PRPF18: variants seen among roughly 807,000 people sequenced by gnomAD.
PRPF18 encodes pre-mRNA processing factor 18, also known as pre-mRNA-splicing factor 18.
PRPF18 carries 38 observed loss-of-function variants against 46.5 expected under a neutral mutation model. The ratio of observed to expected loss-of-function variants is 0.82; its 90% CI spans 0.63 to 1.07. The LOEUF is 1.07. Among genes scored for constraint, PRPF18 ranks in the 50% least tolerant of loss-of-function variants. The probability of loss-of-function intolerance (pLI) is 0.00; values close to 1 mark genes in which losing one functional copy is unlikely to be tolerated. For missense variants in PRPF18, 263 were observed against 410.0 expected (o/e 0.64, Z 3.10); for synonymous variants, 152 against 146.7 (o/e 1.04, Z -0.26).
intron 8 of PRPF18, among the ~76,000 whole-genome samples, chr10:13,615,951 G>A (rs192020044): frequency 6.6e-6 from 1 of 152,204 alleles, no homozygotes; most frequent in Non-Finnish European, 1.5e-5. Context: ...ACAGTGCTGT[G>A]TAGGGAGTGG....
chr10:13,627,541 A>G lies in PRPF18; in HGVS notation c.949-2719A>G, dbSNP rs539881067. 1.5e-4 allele frequency among the ~76,000 whole-genome samples: 23 copies of G among 152,326 alleles called. No homozygotes were observed. The South Asian group carries it at 4.8e-3, about 32-fold the overall frequency. ...CTGAAATCCTGAGGGGTCTAATTGA[A>G]AAGATTTGTTTCCATCTGGAAAATA... On this transcript the variant is annotated intron_variant, in intron 9 of 9. Transcript: ENST00000378572.
rs774408961 is a variant in PRPF18 at position 13,611,687 on chromosome 10, C to T, written c.579+4C>T. On this transcript the variant is annotated splice_donor_region_variant and intron_variant, in intron 6 of 9. Transcript: ENST00000378572. ...CATCATCACCAAATTCCTGAAGGTGCGTGTCTTAGGCGAGGGGATGAGGAT... is the reference window on the plus strand; with the variant it reads ...CATCATCACCAAATTCCTGAAGGTGTGTGTCTTAGGCGAGGGGATGAGGAT... 11 of 1,612,438 alleles carry T rather than the reference C, an allele frequency of 6.8e-6. No homozygotes were observed. The highest frequency in any genetic ancestry group is 1.1e-5 in the South Asian group (1 of 91,022).
intron 4 of PRPF18, among the ~76,000 whole-genome samples, chr10:13,606,950 C>CT (rs1458532380): frequency 6.6e-6 from 1 of 152,134 alleles, no homozygotes; most frequent in African/African-American, 2.4e-5. Context: ...TATTGTTAGT[C>CT]TTTTTAATTT....
chr10:13,643,039 G>C, the PRPF18 span: 1 of 152,250 alleles, frequency 6.6e-6, no homozygotes, highest in African/African-American at 2.4e-5. Flanking sequence ...TTCGATTGCA[G>C]CAGTCACTAC....
the PRPF18 span, among the ~76,000 whole-genome samples, chr10:13,636,258 C>T: frequency 6.6e-6 from 1 of 152,020 alleles, no homozygotes; most frequent in Admixed American, 6.6e-5. Flanking sequence ...CTCATCTCTA[C>T]AAAAAATACA....
intron 3 of PRPF18, among the ~76,000 whole-genome samples, chr10:13,602,034 G>T (rs965945765): frequency 6.6e-6 from 1 of 152,194 alleles, no homozygotes; most frequent in Non-Finnish European, 1.5e-5. Context: ...GTGTGTCTAT[G>T]TAATTTTTGA....
chr10:13,608,425 T>C (rs960874738), intron 4 of PRPF18, among the ~76,000 whole-genome samples: 1 of 152,252 alleles, frequency 6.6e-6, no homozygotes, highest in Non-Finnish European at 1.5e-5. Flanking sequence ...GCTTTCTTTG[T>C]TGCCAAACCA....
intron 4 of PRPF18, among the ~76,000 whole-genome samples, chr10:13,607,372 C>G (rs1232617499): frequency 6.6e-6 from 1 of 152,196 alleles, no homozygotes; most frequent in Non-Finnish European, 1.5e-5. Context: ...TTAGGGCTTA[C>G]CTGTTCTCTT....
chr10:13,604,496 C>T (rs2080157653), intron 3 of PRPF18, among the ~76,000 whole-genome samples: 1 of 152,208 alleles, frequency 6.6e-6, no homozygotes, highest in Non-Finnish European at 1.5e-5. Context: ...ATCTTAAAAG[C>T]TCTGCATATG....
chr10:13,627,227 A>G (rs2080521812), intron 9 of PRPF18, among the ~76,000 whole-genome samples: 1 of 152,140 alleles, frequency 6.6e-6, no homozygotes, highest in Non-Finnish European at 1.5e-5. Context: ...AGCACTTAGC[A>G]TCGTTGAAAA....
the PRPF18 span, chr10:13,645,332 G>A: frequency 1.3e-5 from 2 of 148,900 alleles, no homozygotes; most frequent in African/African-American, 5.0e-5. Flanking sequence ...CCAATAGGAA[G>A]TCATTAGAGT....
intron 4 of PRPF18, among the ~76,000 whole-genome samples, chr10:13,609,209 G>T (rs1326444767): frequency 6.6e-6 from 1 of 152,206 alleles, no homozygotes; most frequent in African/African-American, 2.4e-5. Flanking sequence ...GTGACTTGAT[G>T]TTTGCGAGGT....
At chr10:13,588,475 A>AC (rs1491559159) in intron 1 of PRPF18, among the ~76,000 whole-genome samples, 1 of 150,882 alleles carries the variant, frequency 6.6e-6, no homozygotes, top group Non-Finnish European at 1.5e-5. Context: ...TGCTTGGGAG[A>AC]CCAAGGCGGG....
At chr10:13,635,635 C>T (rs2080630740), downstream of PRPF18, among the ~76,000 whole-genome samples, 1 of 152,130 alleles carries the variant, frequency 6.6e-6, no homozygotes, top group African/African-American at 2.4e-5. Flanking sequence ...ATTTGCATTT[C>T]TCTAATGATC....
At chr10:13,612,405 A>G (rs1292568247) in intron 6 of PRPF18, among the ~76,000 whole-genome samples, 1 of 151,952 alleles carries the variant, frequency 6.6e-6, no homozygotes, top group Non-Finnish European at 1.5e-5. Context: ...CTCAAGTAGC[A>G]TGCCACCACA....
intron 9 of PRPF18, 102 bp downstream of exon 9, chr10:13,616,655 C>A: frequency 1.4e-6 from 2 of 1,446,394 alleles, no homozygotes; most frequent in Non-Finnish European, 1.9e-6. Context: ...GCAAATAGAA[C>A]ATAGCGTGAT....
At chr10:13,620,424 A>AAATGCCTC (rs2080405992) in intron 9 of PRPF18, among the ~76,000 whole-genome samples, 1 of 152,240 alleles carries the variant, frequency 6.6e-6, no homozygotes, top group Non-Finnish European at 1.5e-5. Flanking sequence ...TTGCGGTATA[A>AAATGCCTC]AATGCCTCAA....
chr10:13,628,159 G>A (rs769319894), intron 9 of PRPF18, among the ~76,000 whole-genome samples: 5 of 152,202 alleles, frequency 3.3e-5, no homozygotes, highest in Admixed American at 6.5e-5. Context: ...AGTGAATGAC[G>A]TGTGCAAAAG....
intron 8 of PRPF18, among the ~76,000 whole-genome samples, chr10:13,614,902 A>G (rs2133786625): frequency 6.6e-6 from 1 of 152,316 alleles, no homozygotes; most frequent in African/African-American, 2.4e-5. Flanking sequence ...CCCCAGTGCC[A>G]GTGCCAGAGC....
Sources: allele counts gnomAD v4.1 joint callset (sites outside exome capture counted in the v4.1 genomes callset), GRCh38; gene constraint gnomAD v4.1.1; transcripts MANE v1.5; gene names NCBI Gene and HGNC (gene_info 2026-07-23, HGNC 2026-07-21).